NAXD: variants seen among roughly 807,000 people sequenced by gnomAD.
NAXD encodes the protein NAD(P)HX dehydratase.
In NAXD, 22 loss-of-function variants were observed where a neutral mutation model predicts 35.8. The ratio of observed to expected loss-of-function variants is 0.62; its 90% CI spans 0.44 to 0.88. The LOEUF is 0.88. Ranked by LOEUF, NAXD falls within the 40% of genes least tolerant of loss-of-function variation. The probability of loss-of-function intolerance (pLI) is 0.00; values close to 1 mark genes in which losing one functional copy is unlikely to be tolerated. For missense variants in NAXD, 428 were observed against 437.7 expected, an observed-to-expected ratio of 0.98 and a Z score of 0.20; for synonymous variants, 189 against 177.6, an observed-to-expected ratio of 1.06 and a Z score of -0.51.
intron 1 of NAXD, among the ~76,000 whole-genome samples, chr13:110,619,637 C>T (rs1218253030): frequency 1.3e-5 from 2 of 152,070 alleles, no homozygotes; most frequent in Non-Finnish European, 2.9e-5. Context: ...CTCATTTTGC[C>T]CCATCCAGAA....
intron 3 of NAXD, 78 bp downstream of exon 3, chr13:110,624,357 T>C (rs561036659): frequency 3.3e-6 from 3 of 908,076 alleles, no homozygotes; most frequent in South Asian, 2.8e-5. Flanking sequence ...AAAGCAAATG[T>C]TTTCTGATAG....
intron 8 of NAXD, among the ~76,000 whole-genome samples, chr13:110,636,722 T>A (rs1886940324): frequency 6.6e-6 from 1 of 152,246 alleles, no homozygotes; most frequent in South Asian, 2.1e-4. Context: ...ATGGTTGAGC[T>A]GTGGTTTAAG....
rs146458459 is a variant in NAXD at position 110,638,162 on chromosome 13, C to G, written c.840-216C>G. 374 of 1,377,552 alleles carry G rather than the reference C, an allele frequency of 2.7e-4. 1 individual carries two copies. In the East Asian group the frequency reaches 6.8e-3, roughly 25 times the overall value. The allele number at this position is 1,377,552 out of a possible 1,614,324, so 85.3% of individuals were successfully genotyped here. A position where few individuals can be genotyped will look rare whatever the true frequency, so the allele number is the denominator to read the frequency against. On this transcript the variant is annotated intron_variant, in intron 9 of 9. Transcript: ENST00000680254. The surrounding 1 kb of genome is among the most constrained non-coding windows in gnomAD (Gnocchi z 5.4). ...CTGGACCTGTCTCCGAGTACATAGA[C>G]GTTTCCTGTGTGCCTCCTGCCAGGG...
In NAXD at chr13:110,638,706, A is replaced by G; in HGVS notation, c.*178A>G. 1.3e-6 allele frequency: 1 copy of G among 755,780 alleles called. No individual in the cohort carries two copies. The highest frequency in any genetic ancestry group is 2.3e-6 in the Non-Finnish European group (1 of 434,344). 46.8% of individuals were successfully genotyped at this position (755,780 alleles called of 1,614,324 possible). A position where few individuals can be genotyped will look rare whatever the true frequency, so the allele number is the denominator to read the frequency against. On this transcript the variant is annotated 3_prime_UTR_variant, in exon 10 of 10. Coordinates refer to ENST00000680254, the MANE Select transcript of NAXD (RefSeq NM_001242882.2). The surrounding 1 kb of genome is among the most constrained non-coding windows in gnomAD (Gnocchi z 5.4). ...CTGGAATATTGCAGCTTTTGGTTAA[A>G]CTTAATGCATGGTTGGAGATGTTAT...
chr13:110,615,580 TG>T lies in NAXD; in HGVS notation c.-19del. ...TTTCCGGCGACGGCGCGGGGGCAGCTGGGAATCCGGAATGCTGCCCGATGGC... is the reference window on the plus strand; with the variant it reads ...TTTCCGGCGACGGCGCGGGGGCAGCTGGAATCCGGAATGCTGCCCGATGGC... On this transcript the variant is annotated 5_prime_UTR_variant, in exon 1 of 10. Coordinates refer to ENST00000680254, the MANE Select transcript of NAXD (RefSeq NM_001242882.2). 1 of 1,349,672 alleles carries T rather than the reference TG, an allele frequency of 7.4e-7. No homozygotes were observed. The highest frequency in any genetic ancestry group is 9.5e-7 in the Non-Finnish European group (1 of 1,050,018). 83.6% of individuals were successfully genotyped at this position (1,349,672 alleles called of 1,614,324 possible).
chr13:110,615,616 T>C lies in NAXD; in HGVS notation c.15T>C (p.Pro5=). 1 of 1,460,352 alleles carries C rather than the reference T, an allele frequency of 6.8e-7. No homozygotes were observed. Among genetic ancestry groups the C allele is most frequent in the Non-Finnish European group, 9.0e-7 (1 of 1,110,242 alleles). 90.5% of individuals were successfully genotyped at this position (1,460,352 alleles called of 1,614,324 possible). MALG[P]RCGAIRACRR... ...AATGCTGCCCGATGGCCCTGGGTCC[T>C]CGCTGTGGGGCAATCCGGGCTTGCA... The change falls in exon 1 of 10, where the codon CCT becomes CCC. Residue 5 remains proline (P), a synonymous_variant. Coordinates refer to ENST00000680254, the MANE Select transcript of NAXD (RefSeq NM_001242882.2).
chr13:110,634,664 C>G lies in NAXD; in HGVS notation c.493-8C>G. ...TGTGCAGTGAGCACGGCTCCTTGTT[C>G]TGTGCAGGATGGCCTGTGGCTGGTC... On this transcript the variant is annotated splice_region_variant and splice_polypyrimidine_tract_variant and intron_variant, in intron 6 of 9. Transcript: ENST00000680254. 1 of 1,614,126 alleles carries G rather than the reference C, an allele frequency of 6.2e-7. No individual in the cohort carries two copies. The highest frequency in any genetic ancestry group is 8.5e-7 in the Non-Finnish European group (1 of 1,179,944).
In NAXD at chr13:110,625,961, G is replaced by A. The variant is rs540015877; in HGVS notation, c.332+683G>A. On this transcript the variant is annotated intron_variant, in intron 4 of 9. Transcript: ENST00000680254. Reference sequence around the variant, plus strand: ...GGGGGCTGTGAGAGTGGGCAGAGGGGCAGTTGGGGCGGCAGCACAGTGTGA... The same window carrying A: ...GGGGGCTGTGAGAGTGGGCAGAGGGACAGTTGGGGCGGCAGCACAGTGTGA... Among the ~76,000 whole-genome samples, 18 of 152,310 alleles carry A rather than the reference G, an allele frequency of 1.2e-4. 2 individuals are homozygous for A. The South Asian group carries it at 3.7e-3, about 32-fold the overall frequency.
Position 110,638,330 on chromosome 13 carries a change from A to G in NAXD, c.840-48A>G. Reference sequence around the variant, plus strand: ...AGCCCAGGGTAGCTGCGGCCCCCGGACCACGACGCCCACTTCCCCACACCT... The same window carrying G: ...AGCCCAGGGTAGCTGCGGCCCCCGGGCCACGACGCCCACTTCCCCACACCT... On this transcript the variant is annotated intron_variant, in intron 9 of 9. Coordinates refer to ENST00000680254, the MANE Select transcript of NAXD (RefSeq NM_001242882.2). This position sits in a 1 kb window ranked among gnomAD's most constrained non-coding sequence, Gnocchi z 5.4. 6.2e-7 allele frequency: 1 copy of G among 1,613,340 alleles called. No individual in the cohort carries two copies. Among genetic ancestry groups the G allele is most frequent in the Non-Finnish European group, 8.5e-7 (1 of 1,179,708 alleles).
At chr13:110,634,166 G>A (rs1886829152) in intron 5 of NAXD, among the ~76,000 whole-genome samples, 2 of 152,162 alleles carry the variant, frequency 1.3e-5, no homozygotes, top group African/African-American at 4.8e-5. Flanking sequence ...ATGGCCTGAT[G>A]TTGCATTTTA....
At position 110,634,629 on chromosome 13, in the gene NAXD, C is replaced by T. The variant is rs776527753; in HGVS notation, c.492+34C>T. 1.9e-6 allele frequency: 3 copies of T among 1,614,088 alleles called. No homozygotes were observed. In the South Asian group the frequency reaches 3.3e-5, roughly 18 times the overall value. On this transcript the variant is annotated intron_variant, in intron 6 of 9. Transcript: ENST00000680254. ...ACTTCTCTCCTCCTGGCTCGGACTC[C>T]CGGAAGGCCTGTGCAGTGAGCACGG... is the stretch of plus-strand genomic sequence containing the variant.
chr13:110,638,335 G>T lies in NAXD; in HGVS notation c.840-43G>T. On this transcript the variant is annotated intron_variant, in intron 9 of 9. Transcript: ENST00000680254. The surrounding 1 kb of genome is among the most constrained non-coding windows in gnomAD (Gnocchi z 5.4). ...AGGGTAGCTGCGGCCCCCGGACCAC[G>T]ACGCCCACTTCCCCACACCTCCTGC... is the stretch of plus-strand genomic sequence containing the variant. 1.9e-6 allele frequency: 3 copies of T among 1,613,576 alleles called. No individual in the cohort carries two copies. Among genetic ancestry groups the T allele is most frequent in the Non-Finnish European group, 2.5e-6 (3 of 1,179,834 alleles).
chr13:110,624,140 AT>A, intron 2 of NAXD, 93 bp from the exon 3 acceptor site: 1 of 750,634 alleles, frequency 1.3e-6, no homozygotes, highest in East Asian at 2.5e-5. Flanking sequence ...TGTCTATATT[AT>A]TTATGTCTAT....
At chr13:110,615,801 G>A in intron 1 of NAXD, 154 bp downstream of exon 1, 1 of 1,308,426 alleles carries the variant, frequency 7.6e-7, no homozygotes, top group African/African-American at 1.5e-5. Context: ...CGCCTCTGCT[G>A]GCTCGCGGGG....
At chr13:110,616,071 C>T (rs1886040598) in intron 1 of NAXD, 2 of 353,728 alleles carry the variant, frequency 5.7e-6, no homozygotes, top group South Asian at 2.6e-4. Flanking sequence ...TAGGAGGGCC[C>T]TGGGGCGCCG....
At chr13:110,619,249 C>CT (rs1253923268) in intron 1 of NAXD, among the ~76,000 whole-genome samples, 4 of 152,090 alleles carry the variant, frequency 2.6e-5, no homozygotes, top group Admixed American at 6.6e-5. Context: ...ACCTATAGTA[C>CT]TTTTTTTAAG....
Position 110,615,666 on chromosome 13 carries a change from G to T in NAXD, c.46+19G>T. On this transcript the variant is annotated intron_variant, in intron 1 of 9. Transcript: ENST00000680254. ...AGACGAGGTAAGGTCGATTCCATTTGGCCCGGGGATGGTCACACGCGCGGG... is the reference window on the plus strand; with the variant it reads ...AGACGAGGTAAGGTCGATTCCATTTTGCCCGGGGATGGTCACACGCGCGGG... 6.6e-7 allele frequency: 1 copy of T among 1,519,938 alleles called. No individual in the cohort carries two copies. The highest frequency in any genetic ancestry group is 2.8e-5 in the East Asian group (1 of 36,310). 94.2% of individuals were successfully genotyped at this position (1,519,938 alleles called of 1,614,324 possible).
intron 1 of NAXD, chr13:110,616,342 G>C (rs910396791): frequency 6.5e-6 from 1 of 152,724 alleles, no homozygotes; most frequent in African/African-American, 2.4e-5. Flanking sequence ...TGGACGAGAG[G>C]GACTGGATAT....
chr13:110,627,383 C>A, intron 4 of NAXD, 56 bp from the exon 5 acceptor site: 1 of 1,066,220 alleles, frequency 9.4e-7, no homozygotes, highest in Non-Finnish European at 1.4e-6. Flanking sequence ...AAATACATGA[C>A]AGTAAGTAAA....
Sources: allele counts gnomAD v4.1 joint callset (sites outside exome capture counted in the v4.1 genomes callset), GRCh38; gene constraint gnomAD v4.1.1; non-coding constraint Gnocchi (gnomAD v3.1); transcripts MANE v1.5; gene names NCBI Gene and HGNC (gene_info 2026-07-23, HGNC 2026-07-21).